The following CACNA1C variants were observed in gnomAD, a reference collection of about 807,000 sequenced individuals.
CACNA1C encodes calcium voltage-gated channel subunit alpha1 C.
CACNA1C carries 30 observed loss-of-function variants against 229.0 expected under a neutral mutation model. The ratio of observed to expected loss-of-function variants is 0.13; its 90% CI spans 0.10 to 0.18. CACNA1C has a LOEUF of 0.18. Among genes scored for constraint, CACNA1C ranks in the 10% least tolerant of loss-of-function variants. The probability of loss-of-function intolerance (pLI) is 1.00; values close to 1 mark genes in which losing one functional copy is unlikely to be tolerated. For missense variants in CACNA1C, 1,658 were observed against 2,845.0 expected (o/e 0.58, Z 9.49); for synonymous variants, 1,114 against 1,132.5 (o/e 0.98, Z 0.33).
chr12:2,169,624 CAT>C (rs1382204340), intron 3 of CACNA1C, among the ~76,000 whole-genome samples: 2 of 152,180 alleles, frequency 1.3e-5, no homozygotes, highest in Non-Finnish European at 2.9e-5. Flanking sequence ...GAAAGTGGAA[CAT>C]GTGGTCGCAG....
intron 9 of CACNA1C, among the ~76,000 whole-genome samples, chr12:2,548,621 GTC>G (rs2099887595): frequency 6.6e-6 from 1 of 152,100 alleles, no homozygotes; most frequent in Non-Finnish European, 1.5e-5. Context: ...GGTCAGAGAG[GTC>G]TCTCATACAC....
intron 3 of CACNA1C, among the ~76,000 whole-genome samples, chr12:2,419,836 C>T (rs558924203): frequency 5.1e-4 from 78 of 152,266 alleles, no homozygotes; most frequent in African/African-American, 1.7e-3. Flanking sequence ...CTCAACCACA[C>T]GGGAGAGAGG....
At chr12:2,089,573 C>T (rs181687987) in intron 1 of CACNA1C, among the ~76,000 whole-genome samples, 1 of 152,238 alleles carries the variant, frequency 6.6e-6, no homozygotes, top group Admixed American at 6.5e-5. Context: ...TCTGCCGGGC[C>T]CATCCGGGGC....
intron 3 of CACNA1C, among the ~76,000 whole-genome samples, chr12:2,163,555 G>A (rs977878885): frequency 1.3e-5 from 2 of 152,062 alleles, no homozygotes; most frequent in African/African-American, 2.4e-5. Context: ...ACACTTTTCT[G>A]TTTTCTAGTG....
At position 1,971,769 on chromosome 12, in the gene CACNA1C, G is replaced by GCAAAT. The variant is rs769642013; in HGVS notation, c.139+568_139+569insCAAAT. 2.0e-5 allele frequency among the ~76,000 whole-genome samples: 3 copies of GCAAAT among 152,072 alleles called. No individual in the cohort carries two copies. Among genetic ancestry groups the GCAAAT allele is most frequent in the African/African-American group, 4.8e-5 (2 of 41,410 alleles). On this transcript the variant is annotated intron_variant, in intron 1 of 46. Coordinates refer to the CACNA1C transcript ENST00000682462. This position sits in a 1 kb window ranked among gnomAD's most constrained non-coding sequence, Gnocchi z 4.2. ...CATTAGTTCATTTTGCATGTTCTTT[G>GCAAAT]GGGATTTGCCTTATCTCATTTATGT... is the stretch of plus-strand genomic sequence containing the variant.
At chr12:2,361,080 G>A (rs2097546182) in intron 3 of CACNA1C, among the ~76,000 whole-genome samples, 2 of 151,746 alleles carry the variant, frequency 1.3e-5, no homozygotes, top group Admixed American at 6.6e-5. Flanking sequence ...ATTTTTCATG[G>A]GGAGACTAGG....
Position 2,553,072 on chromosome 12 carries a change from C to T in CACNA1C, c.1481+3039C>T, listed in dbSNP as rs192403768. ...CTCAGGAAGGAGGAATTTCTGTGCA[C>T]CTGAAACTAATTGGAAAATGAAAGA... On this transcript the variant is annotated intron_variant, in intron 10 of 46. Coordinates refer to ENST00000399655, the MANE Select transcript of CACNA1C (RefSeq NM_000719.7). Among the ~76,000 whole-genome samples the T allele has an allele frequency of 4.7e-3, 715 of 152,222 alleles. 5 individuals are homozygous for T. Among genetic ancestry groups the T allele is most frequent in the Non-Finnish European group, 5.4e-3 (369 of 68,022 alleles).
intron 3 of CACNA1C, among the ~76,000 whole-genome samples, chr12:2,408,546 T>C (rs1199186454): frequency 6.6e-6 from 1 of 151,096 alleles, no homozygotes; most frequent in Non-Finnish European, 1.5e-5. Context: ...TCCCCAGGAA[T>C]CCAGAGAACT....
chr12:2,666,715 C>T lies in CACNA1C; in HGVS notation c.4556C>T (p.Thr1519Ile), dbSNP rs2096134965. ...KGRIKHLDVV[T>I]LLRRIQPPLG... ...CGTATCAAACACCTGGATGTGGTGA[C>T]CCTCCTCCGGCGGATTCAGCCGCCA... The change falls in exon 37 of 47, where the codon ACC becomes ATC. Residue 1519 changes from threonine (T) to isoleucine (I), a missense_variant. By Grantham distance (89) the Thr-to-Ile change is moderately conservative. Around this residue, in one of 20 missense-constraint regions of CACNA1C, gnomAD observed 151 missense variants for 344.4 expected, o/e 0.44. Coordinates refer to ENST00000399655, the MANE Select transcript of CACNA1C (RefSeq NM_000719.7). The surrounding 1 kb of genome is among the most constrained non-coding windows in gnomAD (Gnocchi z 5.3). 1.2e-6 allele frequency: 2 copies of T among 1,600,832 alleles called. No homozygotes were observed. Among genetic ancestry groups the T allele is most frequent in the Non-Finnish European group, 1.7e-6 (2 of 1,173,572 alleles).
At chr12:2,350,651 C>G (rs982888999) in intron 3 of CACNA1C, among the ~76,000 whole-genome samples, 2 of 152,232 alleles carry the variant, frequency 1.3e-5, no homozygotes, top group African/African-American at 4.8e-5. Context: ...AATGGCTGGT[C>G]ACCCCCTCAT....
intron 3 of CACNA1C, among the ~76,000 whole-genome samples, chr12:2,302,136 A>C (rs1012993864): frequency 6.6e-6 from 1 of 152,124 alleles, no homozygotes; most frequent in East Asian, 1.9e-4. Context: ...AGTGTTTATG[A>C]ACTGAAATCT....
chr12:2,664,031 C>T (rs565495441), intron 34 of CACNA1C, among the ~76,000 whole-genome samples: 260 of 152,266 alleles, frequency 1.7e-3, no homozygotes, highest in African/African-American at 6.0e-3. Flanking sequence ...TGAGCCACCG[C>T]GCCCGGCCAG....
chr12:2,323,648 T>C (rs1461983207), intron 3 of CACNA1C, among the ~76,000 whole-genome samples: 1 of 152,184 alleles, frequency 6.6e-6, no homozygotes, highest in Non-Finnish European at 1.5e-5. Context: ...GCAGCTTCCA[T>C]CCCTGCCCAG....
At chr12:2,135,681 C>A (rs112576926) in intron 3 of CACNA1C, among the ~76,000 whole-genome samples, 1 of 144,372 alleles carries the variant, frequency 6.9e-6, no homozygotes, top group Non-Finnish European at 1.5e-5. Context: ...TCTCCAGCCG[C>A]GTGCTGGGAG....
At chr12:2,124,578 G>C (rs2089115070) in intron 3 of CACNA1C, among the ~76,000 whole-genome samples, 1 of 152,222 alleles carries the variant, frequency 6.6e-6, no homozygotes, top group Non-Finnish European at 1.5e-5. Context: ...CTTGCAGCAT[G>C]AGGAAGATGG....
At chr12:2,596,311 G>C (rs1004050303) in intron 20 of CACNA1C, 1 of 257,986 alleles carries the variant, frequency 3.9e-6, no homozygotes, top group Non-Finnish European at 7.3e-6. Context: ...TGTGGCCACT[G>C]ACTACATGCC....
chr12:1,971,860 C>A lies in CACNA1C; in HGVS notation c.139+659C>A, dbSNP rs1470300445. ...TTTATAATTTGTTTTATATTTTTAC[C>A]CAAATACCATACAACTCCAAATCAT... is the stretch of plus-strand genomic sequence containing the variant. On this transcript the variant is annotated intron_variant, in intron 1 of 46. Coordinates refer to the CACNA1C transcript ENST00000682462. This position sits in a 1 kb window ranked among gnomAD's most constrained non-coding sequence, Gnocchi z 4.2. Among the ~76,000 whole-genome samples the A allele has an allele frequency of 6.6e-6, 1 of 151,750 alleles. No homozygotes were observed. The highest frequency in any genetic ancestry group is 1.5e-5 in the Non-Finnish European group (1 of 67,956).
intron 3 of CACNA1C, among the ~76,000 whole-genome samples, chr12:2,245,555 C>T (rs1309258650): frequency 2.6e-5 from 4 of 152,204 alleles, no homozygotes; most frequent in African/African-American, 9.7e-5. Context: ...CTCCCAAAGG[C>T]AGCAGTTATA....
chr12:2,338,558 G>A (rs180861752), intron 3 of CACNA1C, among the ~76,000 whole-genome samples: 1 of 132,330 alleles, frequency 7.6e-6, no homozygotes, highest in East Asian at 2.7e-4. Flanking sequence ...ACTGACCACC[G>A]GTGGCTCATC....
Sources: gnomAD v4.1 joint callset for allele counts (sites outside exome capture counted in the v4.1 genomes callset) on GRCh38, gnomAD v4.1.1 for gene constraint, gnomAD v4.1.1 regional missense constraint, Gnocchi (gnomAD v3.1) non-coding constraint, MANE v1.5 for transcripts, NCBI Gene and HGNC (gene_info 2026-07-23, HGNC 2026-07-21) for gene names.